SVOPL: variants seen among roughly 807,000 people sequenced by gnomAD.
The protein encoded by SVOPL is SVOP like.
A neutral mutation model predicts 61.0 loss-of-function variants in SVOPL; 60 were observed. The observed-to-expected ratio is 0.98, with a 90% CI of 0.80 to 1.22. The LOEUF is 1.22. Among genes scored for constraint, SVOPL ranks in the 50% most tolerant of loss-of-function variants. The probability of loss-of-function intolerance (pLI) is 0.00; values close to 1 mark genes in which losing one functional copy is unlikely to be tolerated. For synonymous variants in SVOPL, 279 were observed against 250.0 expected (o/e 1.12, Z -1.09); for missense variants, 662 against 643.9 (o/e 1.03, Z -0.30).
intron 9 of SVOPL, among the ~76,000 whole-genome samples, chr7:138,637,864 A>T (rs1480990637): frequency 6.6e-6 from 1 of 152,142 alleles, no homozygotes; most frequent in Non-Finnish European, 1.5e-5. Context: ...ATGCAGGAGA[A>T]TCGCTTGAAC....
At position 138,596,487 on chromosome 7, in the gene SVOPL, GAGAAGAGACAC is replaced by G; in HGVS notation, c.1386_1396del (p.Cys463IlefsTer26). On this transcript the variant is annotated frameshift_variant, in exon 15 of 16. Transcript: ENST00000674285. LOFTEE classifies it high-confidence loss of function. Reference sequence around the variant, plus strand: ...AATGGCGCATACAACACAGACAGATGAGAAGAGACACAGGGCCCCCAGTATTGATGCACTCA... The same window carrying G: ...AATGGCGCATACAACACAGACAGATGAGGGCCCCCAGTATTGATGCACTCA... 1 of 1,613,920 alleles carries G rather than the reference GAGAAGAGACAC, an allele frequency of 6.2e-7. No homozygotes were observed. The highest frequency in any genetic ancestry group is 8.5e-7 in the Non-Finnish European group (1 of 1,179,872).
At chr7:138,676,256 T>A (rs1802557124) in intron 3 of SVOPL, among the ~76,000 whole-genome samples, 1 of 152,226 alleles carries the variant, frequency 6.6e-6, no homozygotes, top group Non-Finnish European at 1.5e-5. Context: ...TCTTCTTTCT[T>A]CAAAATAGCG....
At chr7:138,646,729 G>A (rs1261199160) in intron 8 of SVOPL, among the ~76,000 whole-genome samples, 1 of 151,994 alleles carries the variant, frequency 6.6e-6, no homozygotes, top group Non-Finnish European at 1.5e-5. Context: ...ATGTTGCCCG[G>A]GCTGGTCTTG....
chr7:138,598,506 A>G (rs1202211938), intron 14 of SVOPL, among the ~76,000 whole-genome samples: 1 of 152,204 alleles, frequency 6.6e-6, no homozygotes, highest in East Asian at 1.9e-4. Flanking sequence ...GCCACCCAAT[A>G]ACAGAATACA....
At chr7:138,626,130 T>G (rs965712544) in intron 12 of SVOPL, 80 bp from the exon 13 acceptor site, 1 of 1,346,110 alleles carries the variant, frequency 7.4e-7, no homozygotes, top group African/African-American at 1.4e-5. Flanking sequence ...GAGTGCACTG[T>G]GGATGCTGAG....
chr7:138,662,573 C>T, intron 5 of SVOPL: 1 of 986,336 alleles, frequency 1.0e-6, no homozygotes, highest in South Asian at 4.7e-5. Flanking sequence ...CCCAATAGGG[C>T]TGCTCTGAAG....
In SVOPL at chr7:138,622,262, C is replaced by G. The variant is rs62485320; in HGVS notation, c.1264-1127G>C. The stretch of plus-strand genomic sequence containing the variant: ...TCTATCTATCTATCTATGTATCTAT[C>G]TATCTATGTATCTATCTATCTATCT... On this transcript the variant is annotated intron_variant, in intron 13 of 15. Transcript: ENST00000674285. 2.1e-3 allele frequency among the ~76,000 whole-genome samples: 194 copies of G among 93,580 alleles called. 3 individuals are homozygous for G. Among genetic ancestry groups the G allele is most frequent in the East Asian group, 7.2e-3 (22 of 3,076 alleles). 61.4% of individuals were successfully genotyped at this position (93,580 alleles called of 152,430 possible). A position where few individuals can be genotyped will look rare whatever the true frequency, so the allele number is the denominator to read the frequency against.
intron 1 of SVOPL, among the ~76,000 whole-genome samples, chr7:138,685,177 C>T: frequency 6.6e-6 from 1 of 152,034 alleles, no homozygotes; most frequent in Non-Finnish European, 1.5e-5. Flanking sequence ...GGTGATCCAC[C>T]TGCCTCAGCC....
intron 9 of SVOPL, among the ~76,000 whole-genome samples, chr7:138,642,409 CAAATA>C (rs1240522179): frequency 6.6e-6 from 1 of 151,108 alleles, no homozygotes; most frequent in Non-Finnish European, 1.5e-5. Flanking sequence ...AGAGAAAGCA[CAAATA>C]AACAGTATTA....
At chr7:138,648,886 C>T (rs1207687816) in intron 8 of SVOPL, 126 bp downstream of exon 8, 8 of 1,431,732 alleles carry the variant, frequency 5.6e-6, no homozygotes, top group Middle Eastern at 2.3e-4. Context: ...TGCACCTCTG[C>T]ACTGCAGCCT....
chr7:138,648,794 T>C (rs1238448181), intron 8 of SVOPL, among the ~76,000 whole-genome samples: 1 of 150,650 alleles, frequency 6.6e-6, no homozygotes, highest in African/African-American at 2.4e-5. Flanking sequence ...TGGTGGCACA[T>C]GACTGTAATC....
intron 8 of SVOPL, 46 bp from the exon 9 acceptor site, chr7:138,644,891 ACCCAGGG>A (rs1801019735): frequency 6.2e-7 from 1 of 1,612,044 alleles, no homozygotes; most frequent in African/African-American, 1.3e-5. Context: ...CTGCTATAGA[ACCCAGGG>A]GTACAGCTAT....
intron 1 of SVOPL, among the ~76,000 whole-genome samples, chr7:138,684,005 A>G (rs1410136495): frequency 1.3e-5 from 2 of 151,254 alleles, no homozygotes; most frequent in Non-Finnish European, 2.9e-5. Flanking sequence ...GTGAGCCGAA[A>G]TCATGCCACT....
At chr7:138,662,239 C>T (rs1802032600) in intron 5 of SVOPL, 1 of 985,370 alleles carries the variant, frequency 1.0e-6, no homozygotes, top group South Asian at 4.7e-5. Flanking sequence ...CCATCCAGCA[C>T]TAGTCATTTT....
At chr7:138,666,435 A>G (rs576610402) in intron 4 of SVOPL, among the ~76,000 whole-genome samples, 25 of 152,380 alleles carry the variant, frequency 1.6e-4, no homozygotes, top group South Asian at 4.1e-4. Flanking sequence ...GATCTGAGAC[A>G]CCAAAATAGA....
intron 6 of SVOPL, among the ~76,000 whole-genome samples, chr7:138,657,642 G>A (rs550718299): frequency 6.6e-6 from 1 of 152,108 alleles, no homozygotes; most frequent in South Asian, 2.1e-4. Flanking sequence ...AGAATTTGGG[G>A]ATTTTTAACA....
intron 1 of SVOPL, among the ~76,000 whole-genome samples, chr7:138,692,843 G>A (rs1162279288): frequency 6.6e-6 from 1 of 152,128 alleles, no homozygotes; most frequent in Non-Finnish European, 1.5e-5. Flanking sequence ...TTTCAGGACG[G>A]AACAAAATGT....
chr7:138,695,584 A>G (rs1292486402), intron 1 of SVOPL, among the ~76,000 whole-genome samples: 1 of 152,152 alleles, frequency 6.6e-6, no homozygotes, highest in Non-Finnish European at 1.5e-5. Flanking sequence ...CTGGCAACAT[A>G]AGAGAGGGCT....
intron 14 of SVOPL, among the ~76,000 whole-genome samples, chr7:138,616,269 C>T (rs1799295198): frequency 1.3e-5 from 2 of 152,120 alleles, no homozygotes; most frequent in South Asian, 2.1e-4. Context: ...AGAATAAGTG[C>T]GGAGGCAGCC....
Sources: allele counts gnomAD v4.1 joint callset (sites outside exome capture counted in the v4.1 genomes callset), GRCh38; gene constraint gnomAD v4.1.1; transcripts MANE v1.5; gene names NCBI Gene and HGNC (gene_info 2026-07-23, HGNC 2026-07-21).